Variants in CHN2 observed in about 807,000 individuals in gnomAD.
CHN2 encodes chimerin 2.
Under a neutral mutation model 56.3 loss-of-function variants are expected in CHN2, and 35 were observed. The ratio of observed to expected loss-of-function variants is 0.62; its 90% CI spans 0.47 to 0.82. The LOEUF (loss-of-function observed/expected upper bound fraction) is 0.82. CHN2 is among the 40% of genes least tolerant of loss of function. CHN2 has a pLI of 0.00. For missense variants in CHN2, 491 were observed against 580.5 expected (o/e 0.85, Z 1.58); for synonymous variants, 210 against 212.8 (o/e 0.99, Z 0.12).
chr7:29,425,655 G>T (rs1288960242), intron 6 of CHN2, among the ~76,000 whole-genome samples: 1 of 151,962 alleles, frequency 6.6e-6, no homozygotes, highest in East Asian at 1.9e-4. Flanking sequence ...TTTTCCCCTG[G>T]TTTAATCTTA....
chr7:29,191,960 A>T (rs1025298205), upstream of CHN2: 1 of 152,232 alleles, frequency 6.6e-6, no homozygotes, highest in South Asian at 2.1e-4. Flanking sequence ...AGGCTCCTGA[A>T]TCTAAGAAGG....
intron 6 of CHN2, among the ~76,000 whole-genome samples, chr7:29,423,237 C>G (rs1168131997): frequency 6.6e-6 from 1 of 152,208 alleles, no homozygotes; most frequent in African/African-American, 2.4e-5. Flanking sequence ...CTTGTCTCCC[C>G]TGACAATCAG....
intron 6 of CHN2, among the ~76,000 whole-genome samples, chr7:29,456,434 G>T (rs1242662207): frequency 6.6e-6 from 1 of 152,176 alleles, no homozygotes; most frequent in Non-Finnish European, 1.5e-5. Context: ...GGGGACAGAA[G>T]AAGAACCATT....
At chr7:29,370,443 A>C (rs78830508) in intron 3 of CHN2, among the ~76,000 whole-genome samples, 1 of 152,074 alleles carries the variant, frequency 6.6e-6, no homozygotes, top group Non-Finnish European at 1.5e-5. Context: ...AATGAGTTAT[A>C]ATTTTTTCTA....
intron 1 of CHN2, among the ~76,000 whole-genome samples, chr7:29,293,857 A>ATTTTTTTTTTTTT (rs70980522): frequency 1.3e-5 from 1 of 78,496 alleles, no homozygotes; most frequent in African/African-American, 5.0e-5. Flanking sequence ...GAGGCTGGGA[A>ATTTTTTTTTTTTT]TTTTTTTTTT....
chr7:29,413,707 C>T (rs1048813235), intron 6 of CHN2, among the ~76,000 whole-genome samples: 2 of 152,184 alleles, frequency 1.3e-5, no homozygotes, highest in South Asian at 2.1e-4. Flanking sequence ...GGTCATTTCA[C>T]GAACAGCCAG....
intron 3 of CHN2, among the ~76,000 whole-genome samples, chr7:29,382,769 T>C (rs1800617374): frequency 6.6e-6 from 1 of 152,216 alleles, no homozygotes; most frequent in Non-Finnish European, 1.5e-5. Context: ...CAGCTCTTAC[T>C]TTTAAATTAA....
chr7:29,286,936 G>C (rs935834070), intron 1 of CHN2, among the ~76,000 whole-genome samples: 1 of 152,132 alleles, frequency 6.6e-6, no homozygotes, highest in Admixed American at 6.5e-5. Flanking sequence ...CATTGAAAAA[G>C]AAGTGTTTTA....
At chr7:29,497,521 G>A (rs1470747012) in intron 8 of CHN2, among the ~76,000 whole-genome samples, 2 of 151,408 alleles carry the variant, frequency 1.3e-5, no homozygotes, top group African/African-American at 2.4e-5. Flanking sequence ...CATTTTCTGA[G>A]GCCATATTGT....
At chr7:29,288,248 T>G (rs986597420) in intron 1 of CHN2, among the ~76,000 whole-genome samples, 1 of 152,186 alleles carries the variant, frequency 6.6e-6, no homozygotes, top group Non-Finnish European at 1.5e-5. Context: ...GACAAGTCAA[T>G]TCTCGCTGGT....
intron 1 of CHN2, among the ~76,000 whole-genome samples, chr7:29,198,694 G>A (rs1259086512): frequency 1.3e-5 from 2 of 152,038 alleles, no homozygotes; most frequent in South Asian, 2.1e-4. Flanking sequence ...GATAAACAAC[G>A]GCCAATTTGC....
chr7:29,491,282 A>T (rs996932097), intron 7 of CHN2, among the ~76,000 whole-genome samples: 4 of 152,176 alleles, frequency 2.6e-5, no homozygotes, highest in Non-Finnish European at 5.9e-5. Context: ...AATTAGAGCC[A>T]CTTATTCTGA....
intron 1 of CHN2, among the ~76,000 whole-genome samples, chr7:29,245,384 G>A (rs1469831024): frequency 6.6e-6 from 1 of 152,196 alleles, no homozygotes; most frequent in African/African-American, 2.4e-5. Context: ...GTGGCAAGAA[G>A]ATACATTTAA....
At chr7:29,187,757 A>G (rs1798896173) in intron 2 of CHN2, among the ~76,000 whole-genome samples, 1 of 152,062 alleles carries the variant, frequency 6.6e-6, no homozygotes, top group Admixed American at 6.6e-5. Flanking sequence ...ATAAAAAAAG[A>G]TCCTGATGTA....
Position 29,512,682 on chromosome 7 carries a change from T to G in CHN2, c.1354T>G (p.Tyr452Asp), listed in dbSNP as rs1005247248. The G allele has an allele frequency of 6.2e-7, 1 of 1,614,082 alleles. No individual in the cohort carries two copies. The highest frequency in any genetic ancestry group is 1.3e-5 in the African/African-American group (1 of 74,932). The stretch of plus-strand genomic sequence containing the variant: ...CCTGACCACCCTGCATGATATGCGG[T>G]ACCAAAAGCTGATTGTGCAGATTTT... ...STLTTLHDMR[Y>D]QKLIVQILIE... The change falls in exon 13 of 13, where the codon TAC (tyrosine) becomes GAC (aspartate). Residue 452 changes from tyrosine to aspartate, a missense_variant. Coordinates refer to ENST00000222792, the MANE Select transcript of CHN2 (RefSeq NM_004067.4).
At chr7:29,175,622 C>T (rs1249021076) in intron 2 of CHN2, among the ~76,000 whole-genome samples, 1 of 152,102 alleles carries the variant, frequency 6.6e-6, no homozygotes, top group Non-Finnish European at 1.5e-5. Context: ...TTCCTCTTAT[C>T]TTTGTAGATT....
At chr7:29,295,146 G>T (rs1793019865) in intron 1 of CHN2, among the ~76,000 whole-genome samples, 1 of 152,062 alleles carries the variant, frequency 6.6e-6, no homozygotes, top group Non-Finnish European at 1.5e-5. Context: ...GTAAATAGTT[G>T]TTACTCTGTA....
intron 1 of CHN2, among the ~76,000 whole-genome samples, chr7:29,240,011 A>G (rs1444499912): frequency 6.6e-6 from 1 of 152,232 alleles, no homozygotes; most frequent in East Asian, 1.9e-4. Flanking sequence ...CTGTGAGCCA[A>G]ACAAAATATA....
At chr7:29,238,857 C>T (rs1238988170) in intron 1 of CHN2, among the ~76,000 whole-genome samples, 1 of 152,168 alleles carries the variant, frequency 6.6e-6, no homozygotes, top group East Asian at 1.9e-4. Context: ...GTTCAAAGAA[C>T]AGCAAGAGAG....
Sources: gnomAD v4.1 joint callset for allele counts (sites outside exome capture counted in the v4.1 genomes callset) on GRCh38, gnomAD v4.1.1 for gene constraint, MANE v1.5 for transcripts, NCBI Gene and HGNC (gene_info 2026-07-23, HGNC 2026-07-21) for gene names.